The following CEP83 variants were observed in gnomAD, a reference collection of about 807,000 sequenced individuals.
CEP83 encodes centrosomal protein of 83 kDa.
A neutral mutation model predicts 101.9 loss-of-function variants in CEP83; 70 were observed. The observed-to-expected ratio is 0.69, with a 90% CI of 0.57 to 0.84. CEP83 has a LOEUF of 0.84. Among genes scored for constraint, CEP83 ranks in the 40% least tolerant of loss-of-function variants. The pLI, the probability that CEP83 is intolerant of heterozygous loss-of-function variation, is 0.00. For synonymous variants in CEP83, 264 were observed against 267.9 expected (o/e 0.99, Z 0.14); for missense variants, 715 against 787.2 (o/e 0.91, Z 1.10).
intron 2 of CEP83, among the ~76,000 whole-genome samples, chr12:94,413,327 G>A (rs2064028798): frequency 6.6e-6 from 1 of 152,176 alleles, no homozygotes; most frequent in Non-Finnish European, 1.5e-5. Context: ...AGCTCCACTA[G>A]AAGCAGACTT....
chr12:94,336,979 T>C (rs963900833), intron 11 of CEP83, among the ~76,000 whole-genome samples: 1 of 152,168 alleles, frequency 6.6e-6, no homozygotes, highest in African/African-American at 2.4e-5. Context: ...TAAAGGTTTC[T>C]TTCCACAAAA....
chr12:94,380,722 A>G (rs2061802832), intron 6 of CEP83, among the ~76,000 whole-genome samples: 3 of 152,162 alleles, frequency 2.0e-5, no homozygotes, highest in African/African-American at 7.2e-5. Context: ...AGTACTTACT[A>G]TGGATCAAAT....
At chr12:94,307,283 T>C (rs1489006308), downstream of CEP83, 3 of 152,172 alleles carry the variant, frequency 2.0e-5, no homozygotes, top group African/African-American at 7.2e-5. Flanking sequence ...GGTATGAAGA[T>C]TCACTAATGT....
At chr12:94,305,127 G>T, downstream of CEP83, 1 of 1,163,658 alleles carries the variant, frequency 8.6e-7, no homozygotes, top group South Asian at 1.3e-5. Context: ...GCAAAAAACA[G>T]AATTGTAACG....
At chr12:94,266,913 G>C in the CEP83 span, among the ~76,000 whole-genome samples, 1 of 152,232 alleles carries the variant, frequency 6.6e-6, no homozygotes, top group South Asian at 2.1e-4. Flanking sequence ...CTTTCCCTCG[G>C]GACTGACTGA....
chr12:94,364,819 C>T (rs1017442361), intron 11 of CEP83, among the ~76,000 whole-genome samples: 1 of 152,008 alleles, frequency 6.6e-6, no homozygotes, highest in African/African-American at 2.4e-5. Flanking sequence ...AATCAATTAG[C>T]CATTTAGAAA....
intron 11 of CEP83, among the ~76,000 whole-genome samples, chr12:94,343,374 T>G (rs1056074831): frequency 7.2e-5 from 11 of 151,778 alleles, no homozygotes; most frequent in Admixed American, 7.2e-4. Flanking sequence ...GTCCTACCCT[T>G]GATAGATTAG....
intron 1 of CEP83, among the ~76,000 whole-genome samples, chr12:94,444,280 T>C (rs2138437424): frequency 6.6e-6 from 1 of 152,192 alleles, no homozygotes; most frequent in East Asian, 1.9e-4. Context: ...GCACCTGTAA[T>C]CCCAGTACTC....
At chr12:94,348,948 G>A (rs1225613822) in intron 11 of CEP83, among the ~76,000 whole-genome samples, 1 of 150,900 alleles carries the variant, frequency 6.6e-6, no homozygotes, top group Non-Finnish European at 1.5e-5. Context: ...CTTTTTGCAG[G>A]GAAAATGCTT....
intron 11 of CEP83, among the ~76,000 whole-genome samples, chr12:94,349,545 A>G (rs1280541791): frequency 1.3e-5 from 2 of 152,224 alleles, no homozygotes; most frequent in Non-Finnish European, 2.9e-5. Context: ...ACTGATGCAG[A>G]AAAAGCATTT....
chr12:94,283,439 T>C, the CEP83 span, among the ~76,000 whole-genome samples: 1 of 152,194 alleles, frequency 6.6e-6, no homozygotes, highest in Admixed American at 6.5e-5. Flanking sequence ...CCAGGTACTA[T>C]TTCCAGCATG....
At position 94,424,265 on chromosome 12, in the gene CEP83, C is replaced by A. The variant is rs1202207941; in HGVS notation, c.-102+11010G>T. ...GTCTCCATTCCTTGGCCAAGCCCGT[C>A]CATTTTGCACAAATATTCCTTGGTT... is the stretch of plus-strand genomic sequence containing the variant. On this transcript the variant is annotated intron_variant, in intron 2 of 16. Coordinates refer to ENST00000397809, the MANE Select transcript of CEP83 (RefSeq NM_016122.3). 4.3e-6 allele frequency: 7 copies of A among 1,614,232 alleles called. No individual in the cohort carries two copies. The African/African-American group carries it at 9.3e-5, about 22-fold the overall frequency.
At chr12:94,448,148 C>CA (rs968695543) in intron 1 of CEP83, among the ~76,000 whole-genome samples, 5 of 150,676 alleles carry the variant, frequency 3.3e-5, no homozygotes, top group East Asian at 2.0e-4. Flanking sequence ...ACAGTAACCA[C>CA]AAAAAAAACT....
chr12:94,266,039 G>A, the CEP83 span, among the ~76,000 whole-genome samples: 3 of 152,282 alleles, frequency 2.0e-5, no homozygotes, highest in African/African-American at 7.2e-5. Flanking sequence ...AAGATTCTGG[G>A]CTTCTTCACG....
intron 1 of CEP83, among the ~76,000 whole-genome samples, chr12:94,449,874 CAATT>C (rs2067121313): frequency 6.9e-6 from 1 of 144,526 alleles, no homozygotes; most frequent in South Asian, 2.3e-4. Context: ...CTCCAACAAT[CAATT>C]AATATATAGC....
chr12:94,388,230 C>T (rs563229463), intron 6 of CEP83, among the ~76,000 whole-genome samples: 7 of 152,318 alleles, frequency 4.6e-5, no homozygotes, highest in East Asian at 1.9e-4. Flanking sequence ...ATATACACCA[C>T]GGAATACTAT....
Position 94,369,911 on chromosome 12 carries a change from T to C in CEP83, c.1048+11A>G. 7.4e-7 allele frequency: 1 copy of C among 1,351,172 alleles called. No individual in the cohort carries two copies. The highest frequency in any genetic ancestry group is 1.1e-6 in the Non-Finnish European group (1 of 950,676). The allele number at this position is 1,351,172 out of a possible 1,614,324, so 83.7% of individuals were successfully genotyped here. On this transcript the variant is annotated intron_variant, in intron 9 of 16. Transcript: ENST00000397809. ...GCAGCAGCAGCAGCAGCAAGGGAAA[T>C]CACATATTACCATCCAGTTCACTTT...
intron 4 of CEP83, among the ~76,000 whole-genome samples, chr12:94,404,627 G>C (rs989700199): frequency 1.3e-5 from 2 of 152,120 alleles, no homozygotes; most frequent in African/African-American, 4.8e-5. Context: ...CAGCCAAAGA[G>C]TGAAAGGTTC....
At chr12:94,306,226 T>TA (rs539051159), downstream of CEP83, 5,663 of 147,546 alleles carry the variant, frequency 0.038, 315 homozygotes, top group African/African-American at 0.12. Context: ...GTGTGTGATT[T>TA]AAAAAAAAAA....
Sources: allele counts gnomAD v4.1 joint callset (sites outside exome capture counted in the v4.1 genomes callset), GRCh38; gene constraint gnomAD v4.1.1; transcripts MANE v1.5; gene names NCBI Gene and HGNC (gene_info 2026-07-23, HGNC 2026-07-21).